Variants in ACTR3C observed in about 807,000 individuals in gnomAD.
ACTR3C encodes the protein actin-related protein 3C.
Under a neutral mutation model 26.3 loss-of-function variants are expected in ACTR3C, and 18 were observed. That is an observed-to-expected ratio of 0.68 (90% confidence interval 0.47 to 1.01). ACTR3C has a LOEUF of 1.01. Among genes scored for constraint, ACTR3C ranks in the 50% least tolerant of loss-of-function variants. The pLI, the probability that ACTR3C is intolerant of heterozygous loss-of-function variation, is 0.00. For missense variants in ACTR3C, 184 were observed against 250.7 expected, an observed-to-expected ratio of 0.73 and a Z score of 1.80; for synonymous variants, 55 against 94.5, an observed-to-expected ratio of 0.58 and a Z score of 2.42.
chr7:150,193,408 C>CTT, the ACTR3C span, among the ~76,000 whole-genome samples: 339 of 133,488 alleles, frequency 2.5e-3, 3 homozygotes, highest in African/African-American at 8.5e-3. Context: ...TTTTTATTTT[C>CTT]TTTTTTTTTT....
At chr7:149,927,294 T>C in the ACTR3C span, among the ~76,000 whole-genome samples, 8 of 151,974 alleles carry the variant, frequency 5.3e-5, no homozygotes, top group Non-Finnish European at 8.8e-5. Flanking sequence ...ATAATTTACA[T>C]GAAAGCAATC....
At chr7:150,033,835 GGGGGGT>G in the ACTR3C span, among the ~76,000 whole-genome samples, 1 of 151,180 alleles carries the variant, frequency 6.6e-6, no homozygotes, top group African/African-American at 2.5e-5. Context: ...CCTGCCTCGT[GGGGGGT>G]GCCTCCGCCC....
the ACTR3C span, among the ~76,000 whole-genome samples, chr7:150,027,769 TC>T: frequency 1.3e-5 from 2 of 152,144 alleles, no homozygotes; most frequent in South Asian, 4.1e-4. Flanking sequence ...AACCTAGCTC[TC>T]AGTCAGGTTT....
chr7:150,074,061 C>G, the ACTR3C span: 1 of 152,244 alleles, frequency 6.6e-6, no homozygotes, highest in African/African-American at 2.4e-5. Context: ...TCCATGCTGC[C>G]TCACCAGAAA....
chr7:149,923,476 C>T, the ACTR3C span, among the ~76,000 whole-genome samples: 1 of 152,100 alleles, frequency 6.6e-6, no homozygotes, highest in Admixed American at 6.6e-5. Context: ...ATCTTGATAT[C>T]TGACAAAGTA....
the ACTR3C span, among the ~76,000 whole-genome samples, chr7:149,920,582 G>A: frequency 6.6e-6 from 1 of 151,812 alleles, no homozygotes; most frequent in African/African-American, 2.4e-5. Context: ...CAAAGTGCTG[G>A]GATTACAGGC....
At chr7:150,034,825 C>T in the ACTR3C span, among the ~76,000 whole-genome samples, 2 of 148,202 alleles carry the variant, frequency 1.3e-5, no homozygotes, top group African/African-American at 2.5e-5. Flanking sequence ...GGGGGTGCCT[C>T]CCCCCTCTGC....
chr7:150,056,407 A>T, the ACTR3C span, among the ~76,000 whole-genome samples: 1 of 152,248 alleles, frequency 6.6e-6, no homozygotes, highest in African/African-American at 2.4e-5. Flanking sequence ...TAACTTTATC[A>T]GCACCACTAT....
chr7:150,017,784 C>G, the ACTR3C span, among the ~76,000 whole-genome samples: 1 of 150,242 alleles, frequency 6.7e-6, no homozygotes, highest in Admixed American at 6.6e-5. Context: ...GAATCACTCA[C>G]TCTAGAATCC....
chr7:150,306,176 T>A (rs550243913), intron 1 of ACTR3C, among the ~76,000 whole-genome samples: 1 of 152,202 alleles, frequency 6.6e-6, no homozygotes, highest in Non-Finnish European at 1.5e-5. Context: ...GCCTTTTCCA[T>A]GTTCACACCA....
At chr7:150,127,041 T>C in the ACTR3C span, among the ~76,000 whole-genome samples, 2 of 152,172 alleles carry the variant, frequency 1.3e-5, no homozygotes, top group Non-Finnish European at 2.9e-5. Context: ...TAGTCCACAC[T>C]CTGTTCTGAA....
rs185404817 is a variant in ACTR3C at position 150,277,831 on chromosome 7, A to T, written c.564+6922T>A. ...CGTGGTTCTACAGTGGCCTTCCTAA[A>T]TCCAGTCTCCATCTCCAATCCACAT... is the stretch of plus-strand genomic sequence containing the variant. On this transcript the variant is annotated intron_variant, in intron 6 of 7. Coordinates refer to ENST00000683684, the MANE Select transcript of ACTR3C (RefSeq NM_001164458.2). 2.2e-3 allele frequency among the ~76,000 whole-genome samples: 338 copies of T among 152,130 alleles called. 1 individual carries two copies. The highest frequency in any genetic ancestry group is 4.2e-3 in the Non-Finnish European group (283 of 67,998).
chr7:150,140,988 G>A, the ACTR3C span, among the ~76,000 whole-genome samples: 13 of 152,376 alleles, frequency 8.5e-5, no homozygotes, highest in African/African-American at 2.9e-4. Flanking sequence ...GGTCTGGATA[G>A]AAGGTGAAAC....
the ACTR3C span, among the ~76,000 whole-genome samples, chr7:150,114,051 A>G: frequency 1.3e-5 from 2 of 152,182 alleles, no homozygotes; most frequent in East Asian, 1.9e-4. Flanking sequence ...AGAAGTCAAC[A>G]GTATTTCTTG....
chr7:149,957,395 T>A, the ACTR3C span, among the ~76,000 whole-genome samples: 1 of 152,070 alleles, frequency 6.6e-6, no homozygotes, highest in Non-Finnish European at 1.5e-5. Context: ...TCTATGAGGA[T>A]GTTTCCAGAA....
At chr7:150,300,158 C>G (rs1795314301) in intron 1 of ACTR3C, among the ~76,000 whole-genome samples, 1 of 152,068 alleles carries the variant, frequency 6.6e-6, no homozygotes, top group Admixed American at 6.5e-5. Flanking sequence ...TGAGACCAGC[C>G]TGACCAACAT....
At chr7:150,054,863 T>C in the ACTR3C span, among the ~76,000 whole-genome samples, 2 of 152,226 alleles carry the variant, frequency 1.3e-5, no homozygotes, top group Non-Finnish European at 2.9e-5. Context: ...TGAACTACAG[T>C]GAACTTGCTT....
At chr7:150,082,917 CTTTCTTTCTTTTT>C in the ACTR3C span, among the ~76,000 whole-genome samples, 372 of 127,236 alleles carry the variant, frequency 2.9e-3, no homozygotes, top group African/African-American at 0.01. Context: ...TATTCTAATT[CTTTCTTTCTTTTT>C]TTTCTTTTTT....
the ACTR3C span, among the ~76,000 whole-genome samples, chr7:149,995,793 G>C: frequency 2.0e-5 from 3 of 152,272 alleles, no homozygotes; most frequent in Non-Finnish European, 2.9e-5. Context: ...CCACAGCTCC[G>C]TGAGGGGCAC....
Sources: allele counts gnomAD v4.1 joint callset (sites outside exome capture counted in the v4.1 genomes callset), GRCh38; gene constraint gnomAD v4.1.1; transcripts MANE v1.5; gene names NCBI Gene and HGNC (gene_info 2026-07-23, HGNC 2026-07-21).